Variants in CAMKMT observed in about 807,000 individuals in gnomAD.
CAMKMT encodes the protein calmodulin-lysine N-methyltransferase.
A neutral mutation model predicts 48.0 loss-of-function variants in CAMKMT; 53 were observed. That is an observed-to-expected ratio of 1.10 (90% CI 0.89 to 1.39). The LOEUF (loss-of-function observed/expected upper bound fraction) is 1.39, where lower values mean the gene tolerates loss of function less well. Among genes scored for constraint, CAMKMT ranks in the 40% most tolerant of loss-of-function variants. CAMKMT has a pLI of 0.00. For synonymous variants in CAMKMT, 165 were observed against 152.3 expected, an observed-to-expected ratio of 1.08 and a Z score of -0.61; for missense variants, 428 against 402.7, an observed-to-expected ratio of 1.06 and a Z score of -0.54.
intron 3 of CAMKMT, among the ~76,000 whole-genome samples, chr2:44,428,205 G>T (rs894123436): frequency 6.6e-6 from 1 of 152,176 alleles, no homozygotes; most frequent in Non-Finnish European, 1.5e-5. Context: ...TGAATGCGGA[G>T]ATTTCATTGA....
At chr2:44,675,468 C>A (rs1218415549) in intron 3 of CAMKMT, among the ~76,000 whole-genome samples, 1 of 152,076 alleles carries the variant, frequency 6.6e-6, no homozygotes, top group Non-Finnish European at 1.5e-5. Context: ...TCTCCTCACC[C>A]TCCCTGTTCT....
chr2:44,750,564 C>A (rs1305567946), intron 8 of CAMKMT, among the ~76,000 whole-genome samples: 1 of 152,180 alleles, frequency 6.6e-6, no homozygotes. Flanking sequence ...GAACTGATGG[C>A]TCTAAAGCTG....
intron 3 of CAMKMT, among the ~76,000 whole-genome samples, chr2:44,427,690 C>T (rs1445937321): frequency 6.6e-6 from 1 of 152,004 alleles, no homozygotes; most frequent in Non-Finnish European, 1.5e-5. Flanking sequence ...TTTTTTTAGC[C>T]TTCAAATGTA....
chr2:44,666,104 C>T lies in CAMKMT; in HGVS notation c.377-38179C>T, dbSNP rs113543578. On this transcript the variant is annotated intron_variant, in intron 3 of 10. Transcript: ENST00000378494. ...CATCCAGATTGAGCTGTTTCTCAGG[C>T]AGATGGAAATGTAGGTTTGATCTTT... is the stretch of plus-strand genomic sequence containing the variant. 1.0e-3 allele frequency among the ~76,000 whole-genome samples: 153 copies of T among 152,174 alleles called. 1 individual carries two copies. The highest frequency in any genetic ancestry group is 3.4e-3 in the African/African-American group (141 of 41,512).
At chr2:44,704,488 GA>G in intron 4 of CAMKMT, 145 bp downstream of exon 4, 1 of 584,434 alleles carries the variant, frequency 1.7e-6, no homozygotes, top group Non-Finnish European at 2.8e-6. Context: ...AAAACAGAAA[GA>G]GGGGAAAAAG....
intron 3 of CAMKMT, among the ~76,000 whole-genome samples, chr2:44,430,488 A>G (rs891543696): frequency 4.0e-5 from 6 of 150,630 alleles, no homozygotes; most frequent in Non-Finnish European, 7.4e-5. Flanking sequence ...AGATGGTAAC[A>G]ATTGGACTTG....
intron 3 of CAMKMT, among the ~76,000 whole-genome samples, chr2:44,495,942 C>G (rs901470743): frequency 1.3e-5 from 2 of 152,198 alleles, no homozygotes; most frequent in African/African-American, 4.8e-5. Flanking sequence ...GGCAGAATCT[C>G]TTACTTTCTT....
In CAMKMT at chr2:44,707,713, A is replaced by G. The variant is rs180681418; in HGVS notation, c.556+251A>G. Among the ~76,000 whole-genome samples the G allele has an allele frequency of 4.9e-3, 740 of 152,288 alleles. 7 individuals are homozygous for G. The highest frequency in any genetic ancestry group is 0.027 in the Middle Eastern group (8 of 294). ...CTATTTTTGTGGACCTCCCGAGGCA[A>G]TAAGAAAATTTGTTTCATAATAATT... On this transcript the variant is annotated intron_variant, in intron 6 of 10. Coordinates refer to ENST00000378494, the MANE Select transcript of CAMKMT (RefSeq NM_024766.5).
intron 9 of CAMKMT, among the ~76,000 whole-genome samples, chr2:44,765,514 A>G (rs1680800307): frequency 7.1e-6 from 1 of 141,010 alleles, no homozygotes; most frequent in Admixed American, 7.0e-5. Flanking sequence ...GCATATAGCC[A>G]TCTTTATTTT....
intron 3 of CAMKMT, among the ~76,000 whole-genome samples, chr2:44,648,062 A>G (rs1038937223): frequency 6.6e-6 from 1 of 152,188 alleles, no homozygotes; most frequent in African/African-American, 2.4e-5. Context: ...TACACTAGGC[A>G]ATTGTTAAAA....
At chr2:44,541,640 GCATCCTTGT>G (rs1667112171) in intron 3 of CAMKMT, among the ~76,000 whole-genome samples, 1 of 151,884 alleles carries the variant, frequency 6.6e-6, no homozygotes, top group African/African-American at 2.4e-5. Flanking sequence ...GCATAGTGGT[GCATCCTTGT>G]AGTCCCAGCT....
At chr2:44,711,481 T>G (rs193054915) in intron 6 of CAMKMT, among the ~76,000 whole-genome samples, 1 of 152,294 alleles carries the variant, frequency 6.6e-6, no homozygotes, top group East Asian at 1.9e-4. Flanking sequence ...TTCTAACTTT[T>G]TTTCTTCTCC....
chr2:44,452,292 C>T (rs1356782225), intron 3 of CAMKMT, among the ~76,000 whole-genome samples: 1 of 151,876 alleles, frequency 6.6e-6, no homozygotes, highest in Non-Finnish European at 1.5e-5. Flanking sequence ...GGAAAAGTAT[C>T]AATAAATAAT....
intron 3 of CAMKMT, among the ~76,000 whole-genome samples, chr2:44,641,042 T>G (rs1410735755): frequency 6.6e-6 from 1 of 152,190 alleles, no homozygotes; most frequent in East Asian, 1.9e-4. Context: ...CATATCACTT[T>G]TGATCTCTTT....
intron 3 of CAMKMT, among the ~76,000 whole-genome samples, chr2:44,547,877 G>C (rs1667490828): frequency 6.6e-6 from 1 of 152,170 alleles, no homozygotes; most frequent in Non-Finnish European, 1.5e-5. Context: ...TTGAGCTGAA[G>C]CTGCAGTGGA....
At chr2:44,424,187 G>A (rs988915731) in intron 3 of CAMKMT, among the ~76,000 whole-genome samples, 2 of 151,604 alleles carry the variant, frequency 1.3e-5, no homozygotes, top group Admixed American at 1.3e-4. Context: ...ATTATCTAAT[G>A]TTTCTGTACC....
intron 3 of CAMKMT, among the ~76,000 whole-genome samples, chr2:44,485,232 A>G (rs553196057): frequency 2.0e-5 from 3 of 152,358 alleles, no homozygotes; most frequent in East Asian, 1.9e-4. Context: ...TGTGTGCACC[A>G]AAAGACGTAT....
chr2:44,392,690 A>G (rs1359751543), intron 3 of CAMKMT, among the ~76,000 whole-genome samples: 1 of 151,990 alleles, frequency 6.6e-6, no homozygotes, highest in African/African-American at 2.4e-5. Flanking sequence ...TATATTTAAT[A>G]TATTCAGTAA....
intron 8 of CAMKMT, among the ~76,000 whole-genome samples, chr2:44,752,328 T>C (rs368276020): frequency 1.1e-4 from 16 of 151,812 alleles, no homozygotes; most frequent in African/African-American, 3.4e-4. Flanking sequence ...TCAGATCACG[T>C]ATCCCAATAT....
Sources: gnomAD v4.1 joint callset for allele counts (sites outside exome capture counted in the v4.1 genomes callset) on GRCh38, gnomAD v4.1.1 for gene constraint, MANE v1.5 for transcripts, NCBI Gene and HGNC (gene_info 2026-07-23, HGNC 2026-07-21) for gene names.